The following FTSJ3 variants were observed in gnomAD, a reference collection of about 807,000 sequenced individuals.
FTSJ3 encodes pre-rRNA 2'-O-ribose RNA methyltransferase FTSJ3.
Under a neutral mutation model 111.5 loss-of-function variants are expected in FTSJ3, and 46 were observed. The ratio of observed to expected loss-of-function variants is 0.41; its 90% CI spans 0.33 to 0.53. The LOEUF is 0.53. Ranked by LOEUF, FTSJ3 falls within the 20% of genes least tolerant of loss-of-function variation. The pLI is 0.19. For missense variants in FTSJ3, 1,075 were observed against 1,063.8 expected (o/e 1.01, Z -0.15); for synonymous variants, 408 against 383.0 (o/e 1.07, Z -0.76).
At position 63,826,067 on chromosome 17, in the gene FTSJ3, G is replaced by T; in HGVS notation, c.289C>A (p.Arg97Ser). ...VTLQQDITTE[R>S]CRQALRKELK... is the part of the protein sequence containing the mutation. ...GAGACTCCTATTACCTGCCTACAAC[G>T]TTCTGTTGTGATGTCCTGCTGGAGA... The change falls in exon 5 of 21, where the codon CGT (arginine) becomes AGT (serine). Residue 97 changes from arginine (R) to serine (S), a missense_variant. Arg to Ser is a moderately radical substitution (Grantham distance 110). This residue lies in a region of FTSJ3 where 208 missense variants were observed against 266.9 expected (regional missense o/e 0.78). Coordinates refer to ENST00000427159, the MANE Select transcript of FTSJ3 (RefSeq NM_017647.4). The T allele has an allele frequency of 3.7e-6, 6 of 1,611,074 alleles. No homozygotes were observed. The highest frequency in any genetic ancestry group is 1.1e-5 in the South Asian group (1 of 90,970).
Position 63,826,044 on chromosome 17 carries a change from G to A in FTSJ3, c.300+12C>T. 6.3e-7 allele frequency: 1 copy of A among 1,589,878 alleles called. No individual in the cohort carries two copies. The highest frequency in any genetic ancestry group is 1.1e-5 in the South Asian group (1 of 89,608). ...CGTATAAAGGGGGAAGGAAGAGAGA[G>A]ACTCCTATTACCTGCCTACAACGTT... is the stretch of plus-strand genomic sequence containing the variant. On this transcript the variant is annotated intron_variant, in intron 5 of 20. Coordinates refer to ENST00000427159, the MANE Select transcript of FTSJ3 (RefSeq NM_017647.4).
intron 20 of FTSJ3, 30 bp downstream of exon 20, chr17:63,820,049 C>T: frequency 6.2e-7 from 1 of 1,613,992 alleles, no homozygotes; most frequent in Non-Finnish European, 8.5e-7. Context: ...ACTTTTAGCC[C>T]TGTGTACCTT....
At chr17:63,825,801 A>G in intron 5 of FTSJ3, 166 bp from the exon 6 acceptor site, 1 of 652,882 alleles carries the variant, frequency 1.5e-6, no homozygotes, top group Admixed American at 2.8e-5. Context: ...CTTCATGGAG[A>G]TTACAGTCTG....
Position 63,821,708 on chromosome 17 carries a change from C to T in FTSJ3, c.1596+15G>A. ...GACTCATCTCCCCGCAGTCTTGCCC[C>T]CGGCCTCTCCTTACCTTTGAGAACC... On this transcript the variant is annotated intron_variant, in intron 15 of 20. Coordinates refer to ENST00000427159, the MANE Select transcript of FTSJ3 (RefSeq NM_017647.4). The T allele has an allele frequency of 6.2e-7, 1 of 1,614,218 alleles. No individual in the cohort carries two copies. Among genetic ancestry groups the T allele is most frequent in the South Asian group, 1.1e-5 (1 of 91,080 alleles).
chr17:63,821,922 G>C, intron 14 of FTSJ3, 62 bp downstream of exon 14: 4 of 1,612,860 alleles, frequency 2.5e-6, no homozygotes, highest in Non-Finnish European at 3.4e-6. Flanking sequence ...GGCTCTGGTA[G>C]TACCCACCCT....
chr17:63,824,110 C>T lies in FTSJ3; in HGVS notation c.1128G>A (p.Lys376=). 1 of 1,614,172 alleles carries T rather than the reference C, an allele frequency of 6.2e-7. No individual in the cohort carries two copies. The highest frequency in any genetic ancestry group is 1.1e-5 in the South Asian group (1 of 91,086). Residue 376 remains lysine (K), a synonymous_variant, in exon 12 of 21, where the codon AAG becomes AAA. Transcript: ENST00000427159. ...EQLNQTLAEM[K]AQEVAELKRK... is the part of the protein sequence containing the mutation. Reference sequence around the variant, plus strand: ...TCTTCAATTCCGCCACCTCCTGGGCCTTCATTTCTGCCAAGGTCTGGTTCA... The same window carrying T: ...TCTTCAATTCCGCCACCTCCTGGGCTTTCATTTCTGCCAAGGTCTGGTTCA...
At position 63,825,451 on chromosome 17, in the gene FTSJ3, C is replaced by A. The variant is rs770024929; in HGVS notation, c.401-15G>T. ...TGTCAAATGGGCTGTAGGATAGAGA[C>A]AATTAGTTGACGCACTCTGCAGCCC... On this transcript the variant is annotated splice_polypyrimidine_tract_variant and intron_variant, in intron 6 of 20. Transcript: ENST00000427159. 6.2e-7 allele frequency: 1 copy of A among 1,614,014 alleles called. No homozygotes were observed. Among genetic ancestry groups the A allele is most frequent in the Non-Finnish European group, 8.5e-7 (1 of 1,179,944 alleles).
In FTSJ3 at chr17:63,827,018, G is replaced by C. The variant is rs564712317; in HGVS notation, c.-27+34C>G. ...CACTTCCAGTTTCCCACTTCCCGCAGCAATTCCACCCCGCGCCCCTCTCCG... is the reference window on the plus strand; with the variant it reads ...CACTTCCAGTTTCCCACTTCCCGCACCAATTCCACCCCGCGCCCCTCTCCG... On this transcript the variant is annotated intron_variant, in intron 1 of 20. Coordinates refer to ENST00000427159, the MANE Select transcript of FTSJ3 (RefSeq NM_017647.4). 1,324 of 875,780 alleles carry C rather than the reference G, an allele frequency of 1.5e-3. 3 individuals are homozygous for C. Among genetic ancestry groups the C allele is most frequent in the Non-Finnish European group, 2.2e-3 (1,157 of 531,416 alleles). 54.3% of individuals were successfully genotyped at this position (875,780 alleles called of 1,614,324 possible).
In FTSJ3 at chr17:63,825,153, G is replaced by A. The variant is rs368911528; in HGVS notation, c.606C>T (p.Ala202=). Residue 202 remains alanine (A), a synonymous_variant, in exon 8 of 21, where the codon GCC becomes GCT. Coordinates refer to ENST00000427159, the MANE Select transcript of FTSJ3 (RefSeq NM_017647.4). ...EIFVVCQGFL[A]PDKVDSKFFD... ...AGAATTTACTGTCAACCTTGTCAGG[G>A]GCCAGGAATCCTAAAAATGACAGGA... 2.9e-5 allele frequency: 47 copies of A among 1,614,072 alleles called. No individual in the cohort carries two copies. In the East Asian group the frequency reaches 6.0e-4, roughly 21 times the overall value.
chr17:63,820,952 G>C lies in FTSJ3; in HGVS notation c.1973-14C>G. ...TCCGATGTTTCGCTAGAGAGGGAAGGAGAAAGGTCAAAGCTCAATTCCCAA... is the reference window on the plus strand; with the variant it reads ...TCCGATGTTTCGCTAGAGAGGGAAGCAGAAAGGTCAAAGCTCAATTCCCAA... On this transcript the variant is annotated splice_polypyrimidine_tract_variant and intron_variant, in intron 17 of 20. Coordinates refer to ENST00000427159, the MANE Select transcript of FTSJ3 (RefSeq NM_017647.4). The C allele has an allele frequency of 1.2e-6, 2 of 1,612,812 alleles. No homozygotes were observed. The highest frequency in any genetic ancestry group is 1.7e-6 in the Non-Finnish European group (2 of 1,178,762).
rs1443355422 is a variant in FTSJ3 at position 63,827,481 on chromosome 17, AAG to A, written c.-458_-457del. 5 of 1,551,590 alleles carry A rather than the reference AAG, an allele frequency of 3.2e-6. No homozygotes were observed. In the African/African-American group the frequency reaches 6.8e-5, roughly 21 times the overall value. ...GCTCGGATGCCGGCGGTCTCTGCTG[AAG>A]AGAGAAGATGGCGCTTGACGGACCA... is the stretch of plus-strand genomic sequence containing the variant. On this transcript the variant is annotated 5_prime_UTR_variant, in exon 1 of 21. Transcript: ENST00000427159.
chr17:63,824,275 CAG>C, intron 11 of FTSJ3, 36 bp from the exon 12 acceptor site: 1 of 1,614,176 alleles, frequency 6.2e-7, no homozygotes, highest in Non-Finnish European at 8.5e-7. Context: ...GTTATTTTCC[CAG>C]ACTTTTCCCC....
chr17:63,819,457 G>C lies in FTSJ3; in HGVS notation c.*345C>G, dbSNP rs1250908129. The stretch of plus-strand genomic sequence containing the variant: ...CTTCCATTATCCTGGTTTTATTCAG[G>C]AATAGGATGGGGGTGGGGAGGGCTT... On this transcript the variant is annotated 3_prime_UTR_variant, in exon 21 of 21. Coordinates refer to ENST00000427159, the MANE Select transcript of FTSJ3 (RefSeq NM_017647.4). 1 of 232,628 alleles carries C rather than the reference G, an allele frequency of 4.3e-6. No individual in the cohort carries two copies. Among genetic ancestry groups the C allele is most frequent in the Non-Finnish European group, 8.4e-6 (1 of 118,678 alleles). The allele number at this position is 232,628 out of a possible 1,614,324, so 14.4% of individuals were successfully genotyped here.
rs772079780 is a variant in FTSJ3 at position 63,821,427 on chromosome 17, T to C, written c.1813A>G (p.Thr605Ala). Residue 605 changes from threonine to alanine, a missense_variant, in exon 16 of 21, where the codon ACT becomes GCT. Coordinates refer to ENST00000427159, the MANE Select transcript of FTSJ3 (RefSeq NM_017647.4). The part of the protein sequence containing the change: ...TEASSGTEAA[T>A]GLEGEEKDGI... ...TCCTTTTCTTCCCCTTCAAGGCCAG[T>C]GGCAGCTTCTGTCCCCGAAGAAGCC... The C allele has an allele frequency of 1.2e-6, 2 of 1,614,184 alleles. No individual in the cohort carries two copies. The highest frequency in any genetic ancestry group is 1.1e-5 in the South Asian group (1 of 91,080).
intron 4 of FTSJ3, 47 bp downstream of exon 4, chr17:63,826,211 T>C (rs376540726): frequency 1.6e-5 from 25 of 1,609,762 alleles, no homozygotes; most frequent in South Asian, 1.1e-4. Context: ...CAAAATACCT[T>C]ATACACCCAC....
chr17:63,823,715 C>T (rs578166679), intron 13 of FTSJ3, 102 bp downstream of exon 13: 4 of 1,332,022 alleles, frequency 3.0e-6, no homozygotes, highest in Non-Finnish European at 4.2e-6. Flanking sequence ...GCAACCACAG[C>T]CTATCGTTCG....
At position 63,827,211 on chromosome 17, in the gene FTSJ3, G is replaced by A. The variant is rs867932030; in HGVS notation, c.-186C>T. ...AATACTCTGTCCTTGGGTTTTGTAAGTTGAAAGTTGAGACTAGGAAGGCAT... is the reference window on the plus strand; with the variant it reads ...AATACTCTGTCCTTGGGTTTTGTAAATTGAAAGTTGAGACTAGGAAGGCAT... On this transcript the variant is annotated 5_prime_UTR_variant, in exon 1 of 21. Coordinates refer to ENST00000427159, the MANE Select transcript of FTSJ3 (RefSeq NM_017647.4). 5.0e-6 allele frequency: 3 copies of A among 605,116 alleles called. No homozygotes were observed. In the Admixed American group the frequency reaches 8.8e-5, roughly 18 times the overall value. The allele number at this position is 605,116 out of a possible 1,614,324, so 37.5% of individuals were successfully genotyped here.
At chr17:63,826,384 AC>A in intron 3 of FTSJ3, 80 bp from the exon 4 acceptor site, 1 of 1,391,644 alleles carries the variant, frequency 7.2e-7, no homozygotes, top group Non-Finnish European at 1.0e-6. Context: ...CCCTGGTGTT[AC>A]GTGTACTGGC....
chr17:63,825,616 T>G lies in FTSJ3; in HGVS notation c.320A>C (p.Lys107Thr), dbSNP rs1004036967. 1 of 1,614,096 alleles carries G rather than the reference T, an allele frequency of 6.2e-7. No homozygotes were observed. Among genetic ancestry groups the G allele is most frequent in the South Asian group, 1.1e-5 (1 of 91,090 alleles). ...GAGCACAACATCAACCTTCCAGGTCTTCAGCTCCTTCCTCAGGGCCTAAAG... is the reference window on the plus strand; with the variant it reads ...GAGCACAACATCAACCTTCCAGGTCGTCAGCTCCTTCCTCAGGGCCTAAAG... ...RCRQALRKELKTWKVDVVLND... is the reference protein window; with the variant it reads ...RCRQALRKELTTWKVDVVLND... The change falls in exon 6 of 21, where the codon AAG becomes ACG. Residue 107 changes from lysine to threonine, a missense_variant. By Grantham distance (78) the Lys-to-Thr change is moderately conservative. Coordinates refer to ENST00000427159, the MANE Select transcript of FTSJ3 (RefSeq NM_017647.4).
Sources: gnomAD v4.1 joint callset for allele counts on GRCh38, gnomAD v4.1.1 for gene constraint, gnomAD v4.1.1 regional missense constraint, MANE v1.5 for transcripts, NCBI Gene and HGNC (gene_info 2026-07-23, HGNC 2026-07-21) for gene names.